The following CTNNBL1 variants were observed in gnomAD, a reference collection of about 807,000 sequenced individuals.
CTNNBL1 encodes the protein beta-catenin-like protein 1.
A neutral mutation model predicts 72.7 loss-of-function variants in CTNNBL1; 31 were observed. That is an observed-to-expected ratio of 0.43 (90% CI 0.32 to 0.58). The LOEUF is 0.58. Among genes scored for constraint, CTNNBL1 ranks in the 20% least tolerant of loss-of-function variants. CTNNBL1 has a pLI of 0.08. For missense variants in CTNNBL1, 534 were observed against 725.1 expected (o/e 0.74, Z 3.03); for synonymous variants, 240 against 267.3 (o/e 0.90, Z 1.00).
chr20:37,697,315 A>T (rs1268312290), intron 1 of CTNNBL1, among the ~76,000 whole-genome samples: 1 of 152,222 alleles, frequency 6.6e-6, no homozygotes, highest in African/African-American at 2.4e-5. Flanking sequence ...ACTTTATGTA[A>T]TGTGGTCGAG....
intron 15 of CTNNBL1, among the ~76,000 whole-genome samples, chr20:37,862,625 G>T (rs1275680003): frequency 6.6e-6 from 1 of 152,162 alleles, no homozygotes; most frequent in African/African-American, 2.4e-5. Context: ...CAAGCGAGCA[G>T]GTGAGCGAAC....
intron 11 of CTNNBL1, among the ~76,000 whole-genome samples, chr20:37,813,420 C>T (rs1207387697): frequency 6.6e-6 from 1 of 152,190 alleles, no homozygotes; most frequent in South Asian, 2.1e-4. Context: ...TGCCAGAGGA[C>T]TCTTCCAAAG....
chr20:37,731,173 T>A (rs2073124754), intron 1 of CTNNBL1, among the ~76,000 whole-genome samples: 1 of 152,178 alleles, frequency 6.6e-6, no homozygotes, highest in South Asian at 2.1e-4. Context: ...CAGTTCATTA[T>A]TATTTATTAT....
intron 1 of CTNNBL1, among the ~76,000 whole-genome samples, chr20:37,732,422 A>G (rs913448235): frequency 4.6e-5 from 7 of 152,252 alleles, no homozygotes; most frequent in Non-Finnish European, 8.8e-5. Flanking sequence ...TGGGAGTTAT[A>G]TCTTGACTAG....
At chr20:37,707,636 G>A (rs2072898631) in intron 1 of CTNNBL1, among the ~76,000 whole-genome samples, 1 of 152,220 alleles carries the variant, frequency 6.6e-6, no homozygotes, top group Admixed American at 6.5e-5. Context: ...CATATAAGCA[G>A]TAAGGCTCTT....
intron 10 of CTNNBL1, among the ~76,000 whole-genome samples, chr20:37,793,386 C>A (rs2073743430): frequency 6.6e-6 from 1 of 152,034 alleles, no homozygotes; most frequent in African/African-American, 2.4e-5. Flanking sequence ...CTTTCTTTAT[C>A]CCTGGTAATG....
chr20:37,720,383 T>G (rs1213163808), intron 1 of CTNNBL1, among the ~76,000 whole-genome samples: 1 of 152,158 alleles, frequency 6.6e-6, no homozygotes, highest in African/African-American at 2.4e-5. Context: ...GGTCTTGAAC[T>G]CCTAGGCTAT....
In CTNNBL1 at chr20:37,832,859, C is replaced by T. The variant is rs144269524; in HGVS notation, c.1214-7243C>T. 2.3e-3 allele frequency among the ~76,000 whole-genome samples: 350 copies of T among 151,762 alleles called. 4 individuals are homozygous for T. Among genetic ancestry groups the T allele is most frequent in the African/African-American group, 8.0e-3 (331 of 41,302 alleles). On this transcript the variant is annotated intron_variant, in intron 11 of 15. Transcript: ENST00000361383. ...TCCCATTCTTCACAAAAATGGTGCA[C>T]ACTATAAATGGCTGGTTGGAGTGAC...
At chr20:37,856,761 A>G (rs1189244473) in intron 13 of CTNNBL1, among the ~76,000 whole-genome samples, 2 of 152,034 alleles carry the variant, frequency 1.3e-5, no homozygotes, top group African/African-American at 4.8e-5. Context: ...ATCACTTACA[A>G]TTTTTTTAAC....
intron 1 of CTNNBL1, among the ~76,000 whole-genome samples, chr20:37,718,471 C>G: frequency 7.2e-6 from 1 of 139,044 alleles, no homozygotes. Context: ...GCTGACCCCC[C>G]CACCTCCCTC....
intron 10 of CTNNBL1, among the ~76,000 whole-genome samples, chr20:37,784,211 C>T (rs192093901): frequency 9.2e-5 from 14 of 152,096 alleles, no homozygotes; most frequent in Admixed American, 4.6e-4. Context: ...TATCTTTTTC[C>T]ATCCTTTTAT....
intron 9 of CTNNBL1, among the ~76,000 whole-genome samples, chr20:37,778,474 G>C (rs1396830727): frequency 1.3e-5 from 2 of 152,160 alleles, no homozygotes; most frequent in Non-Finnish European, 2.9e-5. Flanking sequence ...TCCAGTTCTG[G>C]GAAGGTGCTT....
At chr20:37,696,109 A>G (rs1259025972) in intron 1 of CTNNBL1, among the ~76,000 whole-genome samples, 1 of 152,248 alleles carries the variant, frequency 6.6e-6, no homozygotes, top group African/African-American at 2.4e-5. Flanking sequence ...CATTTGCTCA[A>G]CAAATATATA....
intron 1 of CTNNBL1, among the ~76,000 whole-genome samples, chr20:37,720,138 C>T (rs1175953268): frequency 6.6e-6 from 1 of 152,158 alleles, no homozygotes; most frequent in South Asian, 2.1e-4. Flanking sequence ...CGCCATTCTT[C>T]TGCCTCAGCC....
At chr20:37,815,315 C>CTT (rs778453405) in intron 11 of CTNNBL1, among the ~76,000 whole-genome samples, 10 of 139,028 alleles carry the variant, frequency 7.2e-5, no homozygotes, top group Admixed American at 1.4e-4. Context: ...TTGGCTCCTC[C>CTT]TTTTTTTTTT....
At position 37,842,348 on chromosome 20, in the gene CTNNBL1, C is replaced by G; in HGVS notation, c.1321C>G (p.Leu441Val). Residue 441 changes from leucine (L) to valine (V), a missense_variant, in exon 13 of 16, where the codon CTA (leucine) becomes GTA (valine). By Grantham distance (32) the Leu-to-Val change is conservative. Transcript: ENST00000361383. ...TENDSEKVDR[L>V]MELHFKYLGA... ...GAAATCTCTCTTTCAGGTTGACAGA[C>G]TAATGGAGTTGCATTTTAAATATCT... The G allele has an allele frequency of 6.2e-7, 1 of 1,612,528 alleles. No homozygotes were observed.
Position 37,768,064 on chromosome 20 carries a change from A to G in CTNNBL1, c.750+20A>G. 6.3e-7 allele frequency: 1 copy of G among 1,586,534 alleles called. No homozygotes were observed. The highest frequency in any genetic ancestry group is 8.7e-7 in the Non-Finnish European group (1 of 1,155,446). Reference sequence around the variant, plus strand: ...CTGAAGGTGAGTTTGGCTGTGGGGAACTGCAGCTCACACCTGTCTTTGCTC... The same window carrying G: ...CTGAAGGTGAGTTTGGCTGTGGGGAGCTGCAGCTCACACCTGTCTTTGCTC... On this transcript the variant is annotated intron_variant, in intron 7 of 15. Transcript: ENST00000361383.
At chr20:37,718,954 A>G (rs900645098) in intron 1 of CTNNBL1, among the ~76,000 whole-genome samples, 2 of 152,200 alleles carry the variant, frequency 1.3e-5, no homozygotes, top group African/African-American at 2.4e-5. Context: ...GCCCAGTTCT[A>G]TGGCTTCGGG....
intron 12 of CTNNBL1, among the ~76,000 whole-genome samples, chr20:37,841,389 T>G (rs1256444014): frequency 6.6e-6 from 1 of 152,240 alleles, no homozygotes; most frequent in Non-Finnish European, 1.5e-5. Flanking sequence ...GTTTGCTACC[T>G]GTCTTCCCTG....
Sources: gnomAD v4.1 joint callset for allele counts (sites outside exome capture counted in the v4.1 genomes callset) on GRCh38, gnomAD v4.1.1 for gene constraint, MANE v1.5 for transcripts, NCBI Gene and HGNC (gene_info 2026-07-23, HGNC 2026-07-21) for gene names.